The following IFT27 variants were observed in gnomAD, a reference collection of about 807,000 sequenced individuals.
IFT27 encodes the protein intraflagellar transport protein 27 homolog.
In IFT27, 19 loss-of-function variants were observed where a neutral mutation model predicts 23.9. The ratio of observed to expected loss-of-function variants is 0.79; its 90% CI spans 0.55 to 1.16. The LOEUF (loss-of-function observed/expected upper bound fraction) is 1.16, where lower values mean the gene tolerates loss of function less well. Ranked by LOEUF, IFT27 falls within the 50% of genes most tolerant of loss-of-function variation. The pLI is 0.00. For missense variants in IFT27, 206 were observed against 228.7 expected (o/e 0.90, Z 0.64); for synonymous variants, 91 against 89.1 (o/e 1.02, Z -0.12).
At chr22:36,762,847 C>T in intron 6 of IFT27, 57 bp downstream of exon 6, 1 of 1,161,536 alleles carries the variant, frequency 8.6e-7, no homozygotes, top group Non-Finnish European at 1.2e-6. Flanking sequence ...ATGTGCAAGA[C>T]CGCTGCCAGC....
At chr22:36,765,122 A>G (rs555622090) in intron 4 of IFT27, among the ~76,000 whole-genome samples, 11 of 152,280 alleles carry the variant, frequency 7.2e-5, no homozygotes, top group African/African-American at 2.6e-4. Context: ...CCTTCACTCC[A>G]CAGATTAACT....
chr22:36,765,046 C>A (rs1009631283), intron 4 of IFT27, among the ~76,000 whole-genome samples: 1 of 152,192 alleles, frequency 6.6e-6, no homozygotes, highest in Admixed American at 6.5e-5. Flanking sequence ...TCCTCCTCAC[C>A]CTACAAGGCT....
intron 3 of IFT27, 43 bp downstream of exon 3, chr22:36,767,263 G>C: frequency 6.5e-7 from 1 of 1,547,264 alleles, no homozygotes; most frequent in Non-Finnish European, 8.9e-7. Context: ...CCTGGGCCCA[G>C]CTGGGGGAGC....
intron 6 of IFT27, chr22:36,761,063 A>C (rs1938077338): frequency 6.4e-6 from 1 of 156,164 alleles, no homozygotes; most frequent in Non-Finnish European, 1.5e-5. Context: ...GCCTCAACTC[A>C]GGGGGGACTA....
chr22:36,761,639 G>A (rs1431997722), intron 6 of IFT27: 1 of 152,140 alleles, frequency 6.6e-6, no homozygotes, highest in African/African-American at 2.4e-5. Flanking sequence ...TTTATTACTC[G>A]ATAAGGGATG....
chr22:36,766,035 T>G, intron 4 of IFT27, 103 bp downstream of exon 4: 1 of 935,552 alleles, frequency 1.1e-6, no homozygotes, highest in Non-Finnish European at 1.8e-6. Context: ...CATGGGAGCT[T>G]CCCAACAGCA....
Position 36,758,345 on chromosome 22 carries a change from CG to C in IFT27, c.526del (p.Arg176GlyfsTer34). 6.2e-7 allele frequency: 1 copy of C among 1,614,166 alleles called. No homozygotes were observed. Among genetic ancestry groups the C allele is most frequent in the Non-Finnish European group, 8.5e-7 (1 of 1,180,020 alleles). Reference protein sequence around the residue: ...CLAKQFHQLYREKVEVFRALA With the variant: ...CLAKQFHQLYXEKVEVFRALA ...GGCCCGGAAAACCTCCACCTTCTCC[CG>C]GTACAGCTGGTGGAACTGCTTGGCA... On this transcript the variant is annotated frameshift_variant, in exon 7 of 7. Transcript: ENST00000433985. LOFTEE classifies it high-confidence loss of function.
intron 1 of IFT27, among the ~76,000 whole-genome samples, chr22:36,774,721 G>A (rs1454745919): frequency 2.0e-5 from 3 of 152,064 alleles, no homozygotes; most frequent in Non-Finnish European, 4.4e-5. Context: ...CTGAGGCAGG[G>A]GAATTGCTTG....
intron 6 of IFT27, chr22:36,762,030 G>C (rs762718622): frequency 2.0e-5 from 3 of 152,294 alleles, no homozygotes; most frequent in Non-Finnish European, 2.9e-5. Context: ...ACCCTGGCGA[G>C]GGGCAGGGCA....
chr22:36,775,724 G>C lies in IFT27; in HGVS notation c.-17C>G. 1.9e-6 allele frequency: 3 copies of C among 1,613,996 alleles called. No individual in the cohort carries two copies. Among genetic ancestry groups the C allele is most frequent in the Non-Finnish European group, 2.5e-6 (3 of 1,179,966 alleles). On this transcript the variant is annotated 5_prime_UTR_variant, in exon 1 of 7. Coordinates refer to ENST00000433985, the MANE Select transcript of IFT27 (RefSeq NM_001177701.3). ...CTTCACCATGGTAACCAACACTCCC[G>C]CGAGCCGTACCCAGAGGACAAGAGC...
Position 36,775,412 on chromosome 22 carries a change from T to C in IFT27, c.34+262A>G, listed in dbSNP as rs75044559. On this transcript the variant is annotated intron_variant, in intron 1 of 6. Transcript: ENST00000433985. ...TCTCCAGAGTTGTAACTAGTGATTTTTTAACGAGTCACCTCAACTGGTGAA... is the reference window on the plus strand; with the variant it reads ...TCTCCAGAGTTGTAACTAGTGATTTCTTAACGAGTCACCTCAACTGGTGAA... 2.7e-3 allele frequency among the ~76,000 whole-genome samples: 405 copies of C among 152,302 alleles called. 2 individuals are homozygous for C. The highest frequency in any genetic ancestry group is 4.3e-3 in the Non-Finnish European group (291 of 68,028).
chr22:36,763,213 G>A lies in IFT27; in HGVS notation c.353-200C>T, dbSNP rs535156349. 8.7e-5 allele frequency: 38 copies of A among 434,972 alleles called. No homozygotes were observed. The East Asian group carries it at 1.2e-3, about 14-fold the overall frequency. The allele number at this position is 434,972 out of a possible 1,614,324, so 26.9% of individuals were successfully genotyped here. ...GGCCACAGAGAGACAGGTGGGCTTC[G>A]CTTTTCATGCACAACTTCTGCTAGG... On this transcript the variant is annotated intron_variant, in intron 5 of 6. Transcript: ENST00000433985.
intron 1 of IFT27, among the ~76,000 whole-genome samples, chr22:36,771,044 T>TGG (rs1363440590): frequency 6.6e-6 from 1 of 150,948 alleles, no homozygotes; most frequent in Non-Finnish European, 1.5e-5. Context: ...CTTCCTGTCT[T>TGG]GGGGTGTGTG....
Position 36,775,795 on chromosome 22 carries a change from C to G in IFT27, c.-88G>C. The G allele has an allele frequency of 7.2e-7, 1 of 1,379,934 alleles. No homozygotes were observed. The highest frequency in any genetic ancestry group is 1.0e-6 in the Non-Finnish European group (1 of 968,858). 85.5% of individuals were successfully genotyped at this position (1,379,934 alleles called of 1,614,324 possible). A position where few individuals can be genotyped will look rare whatever the true frequency, so the allele number is the denominator to read the frequency against. ...GGTGGGCTTCGGGCCCTGGGCTGGCCTGGGACGGGAAGGTGGGGAGGGGAG... is the reference window on the plus strand; with the variant it reads ...GGTGGGCTTCGGGCCCTGGGCTGGCGTGGGACGGGAAGGTGGGGAGGGGAG... On this transcript the variant is annotated 5_prime_UTR_variant, in exon 1 of 7. Coordinates refer to ENST00000433985, the MANE Select transcript of IFT27 (RefSeq NM_001177701.3).
chr22:36,772,558 A>G, intron 1 of IFT27: 2 of 985,138 alleles, frequency 2.0e-6, no homozygotes, highest in Non-Finnish European at 2.4e-6. Context: ...CTGTGCCTGG[A>G]GGCATTTCCC....
intron 1 of IFT27, chr22:36,772,457 T>C: frequency 2.1e-6 from 2 of 961,312 alleles, no homozygotes; most frequent in Non-Finnish European, 2.5e-6. Flanking sequence ...CATATATAAG[T>C]ACTATTTAAG....
Position 36,758,256 on chromosome 22 carries a change from A to G in IFT27, c.*55T>C. On this transcript the variant is annotated 3_prime_UTR_variant, in exon 7 of 7. Coordinates refer to ENST00000433985, the MANE Select transcript of IFT27 (RefSeq NM_001177701.3). Reference sequence around the variant, plus strand: ...TTTAAAGCCATCATTATATATTAAAAGAGCAGAGGTAATTCTGTCTTCTCC... The same window carrying G: ...TTTAAAGCCATCATTATATATTAAAGGAGCAGAGGTAATTCTGTCTTCTCC... 1 of 1,311,476 alleles carries G rather than the reference A, an allele frequency of 7.6e-7. No homozygotes were observed. Among genetic ancestry groups the G allele is most frequent in the Non-Finnish European group, 1.1e-6 (1 of 906,360 alleles). The allele number at this position is 1,311,476 out of a possible 1,614,324, so 81.2% of individuals were successfully genotyped here.
chr22:36,770,185 G>A, intron 1 of IFT27, among the ~76,000 whole-genome samples: 1 of 152,168 alleles, frequency 6.6e-6, no homozygotes, highest in East Asian at 1.9e-4. Flanking sequence ...CGTCTGCAAG[G>A]GCACGATGCG....
Position 36,763,625 on chromosome 22 carries a change from G to C in IFT27, c.352+294C>G, listed in dbSNP as rs1938156850. 3 of 496,780 alleles carry C rather than the reference G, an allele frequency of 6.0e-6. No individual in the cohort carries two copies. The Admixed American group carries it at 9.7e-5, about 16-fold the overall frequency. The allele number at this position is 496,780 out of a possible 1,614,324, so 30.8% of individuals were successfully genotyped here. A position where few individuals can be genotyped will look rare whatever the true frequency, so the allele number is the denominator to read the frequency against. ...GAGAAAATTAGGAACTCTTCCCTGG[G>C]GTTAGCTTTCTGGAATTAACAACTG... On this transcript the variant is annotated intron_variant, in intron 5 of 6. Transcript: ENST00000433985.
Sources: allele counts gnomAD v4.1 joint callset (sites outside exome capture counted in the v4.1 genomes callset), GRCh38; gene constraint gnomAD v4.1.1; transcripts MANE v1.5; gene names NCBI Gene and HGNC (gene_info 2026-07-23, HGNC 2026-07-21).